CTNNA1: variants seen among roughly 807,000 people sequenced by gnomAD.
CTNNA1 encodes catenin alpha-1.
CTNNA1 carries 37 observed loss-of-function variants against 98.4 expected under a neutral mutation model. The observed-to-expected ratio is 0.38, with a 90% CI of 0.29 to 0.49. The LOEUF (loss-of-function observed/expected upper bound fraction) is 0.49, where lower values mean the gene tolerates loss of function less well. CTNNA1 is among the 20% of genes least tolerant of loss of function. The probability of loss-of-function intolerance (pLI) is 0.95; values close to 1 mark genes in which losing one functional copy is unlikely to be tolerated. For synonymous variants in CTNNA1, 404 were observed against 413.2 expected, an observed-to-expected ratio of 0.98 and a Z score of 0.27; for missense variants, 761 against 1,147.2, an observed-to-expected ratio of 0.66 and a Z score of 4.86.
chr5:138,790,329 T>C (rs2149676587), intron 3 of CTNNA1, among the ~76,000 whole-genome samples: 1 of 152,364 alleles, frequency 6.6e-6, no homozygotes, highest in Admixed American at 6.5e-5. Flanking sequence ...TAGGGTGGTG[T>C]TGAGGCAGCA....
At chr5:138,915,641 A>G (rs1054626059) in intron 10 of CTNNA1, among the ~76,000 whole-genome samples, 1 of 152,240 alleles carries the variant, frequency 6.6e-6, no homozygotes. Flanking sequence ...TAATAGTCAA[A>G]GAGTGGCAAT....
chr5:138,827,852 A>AT (rs1468475253), intron 7 of CTNNA1, 134 bp downstream of exon 7: 1 of 1,041,648 alleles, frequency 9.6e-7, no homozygotes, highest in Non-Finnish European at 1.4e-6. Flanking sequence ...AGTAGGTCAG[A>AT]TTTTTAAAGA....
Position 138,925,320 on chromosome 5 carries a change from G to C in CTNNA1, c.1812G>C (p.Gln604His), listed in dbSNP as rs1042043013. The C allele has an allele frequency of 3.7e-6, 6 of 1,614,036 alleles. No homozygotes were observed. The African/African-American group carries it at 8.0e-5, about 22-fold the overall frequency. The stretch of plus-strand genomic sequence containing the variant: ...AAGCCCTCAGCTCGGACCCTGCCCA[G>C]CCCATGGATGAGAATGAGTTTATCG... ...AVEALSSDPAQPMDENEFIDA... is the reference protein window; with the variant it reads ...AVEALSSDPAHPMDENEFIDA... Residue 604 changes from glutamine to histidine, a missense_variant, in exon 13 of 18, where the codon CAG (glutamine) becomes CAC (histidine). Gln to His is a conservative substitution (Grantham distance 24). Coordinates refer to ENST00000302763, the MANE Select transcript of CTNNA1 (RefSeq NM_001903.5).
intron 1 of CTNNA1, among the ~76,000 whole-genome samples, chr5:138,774,372 G>A (rs1753857993): frequency 6.6e-6 from 1 of 151,972 alleles, no homozygotes; most frequent in Admixed American, 6.6e-5. Flanking sequence ...AGACTTCTTG[G>A]AAGTTGTCAC....
chr5:138,921,596 ATTTTTTTTTTTT>A (rs386405098), intron 11 of CTNNA1, among the ~76,000 whole-genome samples: 3 of 104,048 alleles, frequency 2.9e-5, no homozygotes, highest in Non-Finnish European at 5.5e-5. Flanking sequence ...ATTAGTGGTG[ATTTTTTTTTTTT>A]TTTTTTTTTT....
intron 10 of CTNNA1, among the ~76,000 whole-genome samples, chr5:138,916,150 T>TAG (rs1761690490): frequency 8.9e-6 from 1 of 112,010 alleles, no homozygotes; most frequent in Non-Finnish European, 1.8e-5. Flanking sequence ...GACAAATCCA[T>TAG]AGAGATAGAA....
intron 7 of CTNNA1, among the ~76,000 whole-genome samples, chr5:138,829,971 C>T (rs1311826705): frequency 6.6e-6 from 1 of 151,868 alleles, no homozygotes; most frequent in Non-Finnish European, 1.5e-5. Context: ...TAGAGACCAT[C>T]CTGGCTAACG....
intron 3 of CTNNA1, among the ~76,000 whole-genome samples, chr5:138,807,008 C>CTTTTTTT (rs1321047490): frequency 9.0e-6 from 1 of 111,502 alleles, no homozygotes; most frequent in Non-Finnish European, 1.9e-5. Context: ...AGATGTTGGA[C>CTTTTTTT]TTTTTTTTTT....
intron 3 of CTNNA1, among the ~76,000 whole-genome samples, chr5:138,789,621 C>T (rs1371192403): frequency 6.6e-6 from 1 of 152,146 alleles, no homozygotes; most frequent in Middle Eastern, 3.2e-3. Flanking sequence ...CCACACCTGG[C>T]TAATTTTTGT....
chr5:138,844,649 T>G (rs372805574), intron 7 of CTNNA1, among the ~76,000 whole-genome samples: 22 of 152,336 alleles, frequency 1.4e-4, no homozygotes, highest in African/African-American at 5.3e-4. Context: ...TTCTTTGGTG[T>G]TCTTTTTTAG....
At position 138,873,111 on chromosome 5, in the gene CTNNA1, A is replaced by G; in HGVS notation, c.1063-13101A>G. 1 of 1,613,980 alleles carries G rather than the reference A, an allele frequency of 6.2e-7. No homozygotes were observed. Among genetic ancestry groups the G allele is most frequent in the African/African-American group, 1.3e-5 (1 of 75,056 alleles). ...TCATGGGTGGGTTCATATTCATTAT[A>G]CGGTCCTTGGTCTGACATGTTTGAC... On this transcript the variant is annotated intron_variant, in intron 7 of 17. Coordinates refer to ENST00000302763, the MANE Select transcript of CTNNA1 (RefSeq NM_001903.5). The surrounding 1 kb of genome is among the most constrained non-coding windows in gnomAD (Gnocchi z 6.1).
intron 3 of CTNNA1, 90 bp from the exon 4 acceptor site, chr5:138,809,948 C>A: frequency 1.4e-6 from 2 of 1,428,200 alleles, no homozygotes; most frequent in Non-Finnish European, 1.9e-6. Context: ...ATGAAATATA[C>A]AAAGTTTGGA....
intron 1 of CTNNA1, among the ~76,000 whole-genome samples, chr5:138,780,431 G>T (rs956903315): frequency 6.6e-6 from 1 of 151,660 alleles, no homozygotes; most frequent in Non-Finnish European, 1.5e-5. Flanking sequence ...CTGACCTCAT[G>T]ATCTGCCCGC....
At chr5:138,885,055 G>A (rs1753738285) in intron 7 of CTNNA1, among the ~76,000 whole-genome samples, 1 of 152,088 alleles carries the variant, frequency 6.6e-6, no homozygotes, top group Non-Finnish European at 1.5e-5. Flanking sequence ...TCTCCTTTCT[G>A]CCCTTTGCTA....
At chr5:138,788,595 T>G (rs1304635973) in intron 3 of CTNNA1, among the ~76,000 whole-genome samples, 3 of 152,166 alleles carry the variant, frequency 2.0e-5, no homozygotes, top group African/African-American at 7.2e-5. Flanking sequence ...TCCCCATACA[T>G]GTACATTTTA....
intron 7 of CTNNA1, among the ~76,000 whole-genome samples, chr5:138,853,011 A>G (rs1763383700): frequency 6.6e-6 from 1 of 151,998 alleles, no homozygotes; most frequent in African/African-American, 2.4e-5. Context: ...TAATTTGTTC[A>G]TTTTATTGCT....
At chr5:138,879,707 C>T (rs1228782880) in intron 7 of CTNNA1, among the ~76,000 whole-genome samples, 3 of 152,184 alleles carry the variant, frequency 2.0e-5, no homozygotes, top group Admixed American at 6.5e-5. Flanking sequence ...ATCCTCTCAC[C>T]TTGGCCTCCC....
At chr5:138,901,529 A>G (rs1282067815) in intron 9 of CTNNA1, among the ~76,000 whole-genome samples, 2 of 151,906 alleles carry the variant, frequency 1.3e-5, no homozygotes, top group South Asian at 2.1e-4. Context: ...GGCTCAAGCT[A>G]TTCTCCCAAC....
chr5:138,847,088 T>TTTG (rs1762786127), intron 7 of CTNNA1, among the ~76,000 whole-genome samples: 1 of 152,228 alleles, frequency 6.6e-6, no homozygotes, highest in African/African-American at 2.4e-5. Flanking sequence ...ATCTGAAAGC[T>TTTG]TTGTTCTAGG....
Sources: gnomAD v4.1 joint callset for allele counts (sites outside exome capture counted in the v4.1 genomes callset) on GRCh38, gnomAD v4.1.1 for gene constraint, Gnocchi (gnomAD v3.1) non-coding constraint, MANE v1.5 for transcripts, NCBI Gene and HGNC (gene_info 2026-07-23, HGNC 2026-07-21) for gene names.